Variants in DNAH8 observed in about 807,000 individuals in gnomAD.
The protein encoded by DNAH8 is axonemal beta dynein heavy chain 8.
DNAH8 carries 382 observed loss-of-function variants against 562.1 expected under a neutral mutation model. The ratio of observed to expected loss-of-function variants is 0.68; its 90% CI spans 0.63 to 0.74. The LOEUF is 0.74. Ranked by LOEUF, DNAH8 falls within the 30% of genes least tolerant of loss-of-function variation. The pLI, the probability that DNAH8 is intolerant of heterozygous loss-of-function variation, is 0.00. For synonymous variants in DNAH8, 1,881 were observed against 1,919.4 expected (o/e 0.98, Z 0.52); for missense variants, 5,203 against 5,620.4 (o/e 0.93, Z 2.37).
chr6:38,890,245 G>T (rs1390685344), intron 57 of DNAH8, among the ~76,000 whole-genome samples: 8 of 152,148 alleles, frequency 5.3e-5, no homozygotes, highest in African/African-American at 1.9e-4. Flanking sequence ...AGATGAGGGA[G>T]TACTCTCTAA....
chr6:38,907,577 C>G (rs1254000892), intron 63 of DNAH8, among the ~76,000 whole-genome samples: 1 of 152,220 alleles, frequency 6.6e-6, no homozygotes. Flanking sequence ...TAACTCTTCC[C>G]TACACCATGG....
intron 82 of DNAH8, among the ~76,000 whole-genome samples, chr6:38,968,021 G>T (rs1044325203): frequency 5.3e-5 from 8 of 152,020 alleles, no homozygotes; most frequent in Non-Finnish European, 1.0e-4. Flanking sequence ...TCTCAACAAG[G>T]GTTCTAAGAC....
rs754386812 is a variant in DNAH8 at position 38,828,147 on chromosome 6, C to T, written c.4084-37C>T. 4 of 1,355,098 alleles carry T rather than the reference C, an allele frequency of 3.0e-6. No homozygotes were observed. In the South Asian group the frequency reaches 3.9e-5, roughly 13 times the overall value. The allele number at this position is 1,355,098 out of a possible 1,614,324, so 83.9% of individuals were successfully genotyped here. A position where few individuals can be genotyped will look rare whatever the true frequency, so the allele number is the denominator to read the frequency against. ...TCTAAATCATTTGGCAATGGCTTTCCCTTGTGATATTTCTAAACTCCACCT... is the reference window on the plus strand; with the variant it reads ...TCTAAATCATTTGGCAATGGCTTTCTCTTGTGATATTTCTAAACTCCACCT... On this transcript the variant is annotated intron_variant, in intron 29 of 92. Coordinates refer to ENST00000327475, the MANE Select transcript of DNAH8 (RefSeq NM_001206927.2).
intron 9 of DNAH8, among the ~76,000 whole-genome samples, chr6:38,752,168 C>A (rs180982691): frequency 2.0e-5 from 3 of 151,156 alleles, no homozygotes; most frequent in Admixed American, 2.0e-4. Context: ...TTCCTCCCCC[C>A]ACCCCACCAC....
chr6:38,915,280 A>C lies in DNAH8; in HGVS notation c.10043A>C (p.Gln3348Pro). 1 of 1,610,982 alleles carries C rather than the reference A, an allele frequency of 6.2e-7. No individual in the cohort carries two copies. The highest frequency in any genetic ancestry group is 8.5e-7 in the Non-Finnish European group (1 of 1,178,882). ...GTACAGGAGGTAAAGGACAAAGCCC[A>C]AAAAATTGTGGATGAAATTGATAGT... ...NEVQEVKDKA[Q>P]KIVDEIDSEK... is the part of the protein sequence containing the mutation. The change falls in exon 68 of 93, where the codon CAA becomes CCA. Residue 3348 changes from glutamine to proline, a missense_variant. Gln to Pro is a moderately conservative substitution (Grantham distance 76). This residue lies in a region of DNAH8 where 87 missense variants were observed against 144.9 expected (regional missense o/e 0.60). Coordinates refer to ENST00000327475, the MANE Select transcript of DNAH8 (RefSeq NM_001206927.2).
rs555289894 is a variant in DNAH8, at chr6:38,790,502, A to G, written c.2781+97A>G. 3.0e-4 allele frequency: 183 copies of G among 604,086 alleles called. No individual in the cohort carries two copies. The East Asian group carries it at 5.8e-3, about 19-fold the overall frequency. The allele number at this position is 604,086 out of a possible 1,614,324, so 37.4% of individuals were successfully genotyped here. A position where few individuals can be genotyped will look rare whatever the true frequency, so the allele number is the denominator to read the frequency against. On this transcript the variant is annotated intron_variant, in intron 20 of 92. Coordinates refer to ENST00000327475, the MANE Select transcript of DNAH8 (RefSeq NM_001206927.2). ...AAGCTCTTTAAAGGGTATGACTTTT[A>G]ACTAAAAGGACATCCGTTAGGTTTA...
Position 38,974,394 on chromosome 6 carries a change from T to C in DNAH8, c.12699T>C (p.Asn4233=). The change falls in exon 85 of 93, where the codon AAT becomes AAC. Residue 4233 remains asparagine (N), a synonymous_variant. Transcript: ENST00000327475. ...TLLQTSLKFT[N]EPPQGVRAGL... ...GACAGACCTCTCTCAAATTCACTAA[T>C]GAGCCACCCCAAGGTGTACGCGCAG... 2 of 1,612,562 alleles carry C rather than the reference T, an allele frequency of 1.2e-6. No individual in the cohort carries two copies. The highest frequency in any genetic ancestry group is 1.7e-6 in the Non-Finnish European group (2 of 1,179,514).
chr6:38,948,870 T>C (rs1436890264), intron 80 of DNAH8, among the ~76,000 whole-genome samples: 1 of 152,132 alleles, frequency 6.6e-6, no homozygotes, highest in Non-Finnish European at 1.5e-5. Context: ...GGTCTCAAGG[T>C]GGGGGATCAC....
At chr6:38,826,761 T>C (rs1489979112) in intron 29 of DNAH8, among the ~76,000 whole-genome samples, 2 of 152,200 alleles carry the variant, frequency 1.3e-5, no homozygotes, top group African/African-American at 4.8e-5. Flanking sequence ...AAACCAATTA[T>C]AGGTCTCACT....
intron 85 of DNAH8, among the ~76,000 whole-genome samples, chr6:38,978,019 A>G (rs1338161427): frequency 1.3e-5 from 2 of 152,238 alleles, no homozygotes; most frequent in Non-Finnish European, 2.9e-5. Context: ...CCTTAAGGGA[A>G]GAGTCTTGAA....
chr6:38,929,659 CT>C lies in DNAH8; in HGVS notation c.11270del (p.Phe3757SerfsTer3). 1 of 1,465,000 alleles carries C rather than the reference CT, an allele frequency of 6.8e-7. No individual in the cohort carries two copies. Among genetic ancestry groups the C allele is most frequent in the Non-Finnish European group, 9.1e-7 (1 of 1,099,050 alleles). The allele number at this position is 1,465,000 out of a possible 1,614,324, so 90.8% of individuals were successfully genotyped here. A position where few individuals can be genotyped will look rare whatever the true frequency, so the allele number is the denominator to read the frequency against. On this transcript the variant is annotated frameshift_variant, in exon 75 of 93. Coordinates refer to ENST00000327475, the MANE Select transcript of DNAH8 (RefSeq NM_001206927.2). LOFTEE classifies it high-confidence loss of function. ...LEKNFIKSGT[T>X]FKVKVGDKEC... is the part of the protein sequence containing the mutation. ...AAGAATTTTATTAAATCTGGCACCA[CT>C]TTCAAGGTGAGCTTTGTAAAAAAAA...
chr6:38,728,494 C>A (rs1763406424), intron 3 of DNAH8, among the ~76,000 whole-genome samples: 1 of 119,160 alleles, frequency 8.4e-6, no homozygotes, highest in Non-Finnish European at 2.1e-5. Context: ...ATTTTGATGT[C>A]TTTTTATCCT....
At chr6:38,858,583 G>A (rs1776373799) in intron 42 of DNAH8, among the ~76,000 whole-genome samples, 1 of 152,190 alleles carries the variant, frequency 6.6e-6, no homozygotes, top group Admixed American at 6.5e-5. Flanking sequence ...TTGGTGAAAA[G>A]AGCAGAATCT....
At chr6:38,948,971 G>A (rs1349593192) in intron 80 of DNAH8, among the ~76,000 whole-genome samples, 2 of 152,150 alleles carry the variant, frequency 1.3e-5, no homozygotes, top group Admixed American at 6.5e-5. Context: ...TGGTCTGTCA[G>A]TGGTTCTCAA....
intron 91 of DNAH8, among the ~76,000 whole-genome samples, chr6:39,018,494 G>A (rs1561981522): frequency 6.6e-6 from 1 of 152,062 alleles, no homozygotes; most frequent in Admixed American, 6.6e-5. Flanking sequence ...CCTTGGCCTC[G>A]GCCCCCTCGT....
intron 10 of DNAH8, among the ~76,000 whole-genome samples, chr6:38,759,017 C>T (rs574133068): frequency 1.3e-5 from 2 of 152,122 alleles, no homozygotes; most frequent in Non-Finnish European, 2.9e-5. Context: ...TCAAGCAACA[C>T]ATGAGACCAG....
intron 58 of DNAH8, among the ~76,000 whole-genome samples, chr6:38,891,815 G>T (rs1439613620): frequency 6.6e-6 from 1 of 152,158 alleles, no homozygotes; most frequent in East Asian, 1.9e-4. Context: ...TCTTCCATCA[G>T]TTTCTTTTGG....
chr6:38,736,449 C>T (rs949597609), intron 5 of DNAH8, among the ~76,000 whole-genome samples: 16 of 152,112 alleles, frequency 1.1e-4, no homozygotes, highest in Non-Finnish European at 1.5e-4. Context: ...TACCTTAACA[C>T]GAATCAAGAC....
chr6:38,767,624 A>G (rs1237606714), intron 11 of DNAH8, among the ~76,000 whole-genome samples: 1 of 152,172 alleles, frequency 6.6e-6, no homozygotes, highest in Non-Finnish European at 1.5e-5. Flanking sequence ...CATGTATCAG[A>G]ATTTGATTCC....
Sources: gnomAD v4.1 joint callset for allele counts (sites outside exome capture counted in the v4.1 genomes callset) on GRCh38, gnomAD v4.1.1 for gene constraint, gnomAD v4.1.1 regional missense constraint, MANE v1.5 for transcripts, NCBI Gene and HGNC (gene_info 2026-07-23, HGNC 2026-07-21) for gene names.